The following ANKRD12 variants were observed in gnomAD, a reference collection of about 807,000 sequenced individuals.
ANKRD12 encodes the protein ankyrin repeat domain 12.
A neutral mutation model predicts 183.4 loss-of-function variants in ANKRD12; 85 were observed. The ratio of observed to expected loss-of-function variants is 0.46; its 90% CI spans 0.39 to 0.56. ANKRD12 has a LOEUF of 0.56. ANKRD12 is among the 20% of genes least tolerant of loss of function. The pLI, the probability that ANKRD12 is intolerant of heterozygous loss-of-function variation, is 0.00. For missense variants in ANKRD12, 2,405 were observed against 2,357.1 expected (o/e 1.02, Z -0.42); for synonymous variants, 914 against 800.2 (o/e 1.14, Z -2.40).
At chr18:9,169,989 T>A (rs997771144) in intron 1 of ANKRD12, among the ~76,000 whole-genome samples, 2 of 152,204 alleles carry the variant, frequency 1.3e-5, no homozygotes, top group African/African-American at 4.8e-5. Context: ...TTTGGCCGGA[T>A]ATGAAATTCT....
chr18:9,182,402 TAAAAG>T lies in ANKRD12; in HGVS notation c.-28_-24del, dbSNP rs1490987927. 6.8e-6 allele frequency: 10 copies of T among 1,475,050 alleles called. No homozygotes were observed. Among genetic ancestry groups the T allele is most frequent in the South Asian group, 2.3e-5 (2 of 85,624 alleles). The allele number at this position is 1,475,050 out of a possible 1,614,324, so 91.4% of individuals were successfully genotyped here. ...TACAGATCCAGGATGAGAAGACTGA[TAAAAG>T]AAGAAGCTAGCTGAACAGCTGTAAA... On this transcript the variant is annotated 5_prime_UTR_variant, in exon 2 of 13. The change creates a premature stop within an existing upstream ORF in the 5' untranslated region. Coordinates refer to ENST00000262126, the MANE Select transcript of ANKRD12 (RefSeq NM_015208.5).
intron 11 of ANKRD12, among the ~76,000 whole-genome samples, chr18:9,278,888 T>A (rs2039977540): frequency 1.3e-5 from 2 of 152,146 alleles, no homozygotes; most frequent in Non-Finnish European, 2.9e-5. Context: ...ATTGAGTGCT[T>A]CCTGTGTACC....
At chr18:9,227,472 T>C (rs1159486410) in intron 8 of ANKRD12, among the ~76,000 whole-genome samples, 2 of 152,212 alleles carry the variant, frequency 1.3e-5, no homozygotes, top group Non-Finnish European at 2.9e-5. Flanking sequence ...ATGTTTGAGC[T>C]TGGAATATCT....
chr18:9,164,593 C>T (rs749662873), intron 1 of ANKRD12, among the ~76,000 whole-genome samples: 17 of 152,082 alleles, frequency 1.1e-4, no homozygotes, highest in Admixed American at 4.6e-4. Flanking sequence ...GATTCTAGTA[C>T]GTTGTCTCTT....
At chr18:9,220,353 G>T (rs2036352150) in intron 7 of ANKRD12, among the ~76,000 whole-genome samples, 1 of 152,150 alleles carries the variant, frequency 6.6e-6, no homozygotes, top group Admixed American at 6.5e-5. Context: ...AGTCCAAGGG[G>T]GGAAATGTGT....
intron 1 of ANKRD12, among the ~76,000 whole-genome samples, chr18:9,143,091 G>A (rs1236935835): frequency 6.6e-6 from 1 of 152,088 alleles, no homozygotes; most frequent in Non-Finnish European, 1.5e-5. Context: ...CTCACTACTT[G>A]GAAGTTACTT....
Position 9,230,781 on chromosome 18 carries a change from C to T in ANKRD12, c.943+8782C>T, listed in dbSNP as rs538970709. On this transcript the variant is annotated intron_variant, in intron 8 of 12. Coordinates refer to ENST00000262126, the MANE Select transcript of ANKRD12 (RefSeq NM_015208.5). The stretch of plus-strand genomic sequence containing the variant: ...TCAAGAGATTCTCCTGCCTCAGCCT[C>T]CCGAGCAGCTGGGACTACAGATGCG... 3.3e-5 allele frequency among the ~76,000 whole-genome samples: 5 copies of T among 151,980 alleles called. No homozygotes were observed. The East Asian group carries it at 9.7e-4, about 29-fold the overall frequency.
intron 1 of ANKRD12, among the ~76,000 whole-genome samples, chr18:9,160,047 A>T (rs2031189364): frequency 6.6e-6 from 1 of 152,004 alleles, no homozygotes; most frequent in Non-Finnish European, 1.5e-5. Context: ...AGGTGGGCAG[A>T]TCACTTGAGC....
chr18:9,267,960 AAC>A (rs2039394601), intron 10 of ANKRD12, among the ~76,000 whole-genome samples: 1 of 152,230 alleles, frequency 6.6e-6, no homozygotes, highest in Admixed American at 6.5e-5. Flanking sequence ...ATCCCACAGA[AAC>A]ACAAACTACC....
chr18:9,165,980 T>C (rs941565787), intron 1 of ANKRD12, among the ~76,000 whole-genome samples: 7 of 151,762 alleles, frequency 4.6e-5, no homozygotes, highest in Non-Finnish European at 1.0e-4. Context: ...GTTTGGTTTT[T>C]TGTCCTTGCG....
chr18:9,155,092 A>T (rs539171508), intron 1 of ANKRD12, among the ~76,000 whole-genome samples: 6 of 152,336 alleles, frequency 3.9e-5, no homozygotes, highest in African/African-American at 1.4e-4. Flanking sequence ...ATGCTGAGGC[A>T]CCCCTAATAT....
chr18:9,204,210 T>G (rs988116391), intron 3 of ANKRD12, among the ~76,000 whole-genome samples: 1 of 152,266 alleles, frequency 6.6e-6, no homozygotes, highest in African/African-American at 2.4e-5. Context: ...TAGTGTGTTT[T>G]AATATATAAC....
chr18:9,164,013 C>G (rs1438111846), intron 1 of ANKRD12, among the ~76,000 whole-genome samples: 1 of 152,086 alleles, frequency 6.6e-6, no homozygotes, highest in Non-Finnish European at 1.5e-5. Flanking sequence ...ATTGGAATGC[C>G]TTTATTTCTT....
Position 9,283,021 on chromosome 18 carries a change from T to C in ANKRD12, c.*1895T>C, listed in dbSNP as rs1353562509. Reference sequence around the variant, plus strand: ...CTGTTGAAGTTAAGTTTATTAAGCCTGGGAACATTAAAAGCTAATTTATAA... The same window carrying C: ...CTGTTGAAGTTAAGTTTATTAAGCCCGGGAACATTAAAAGCTAATTTATAA... On this transcript the variant is annotated 3_prime_UTR_variant, in exon 13 of 13. Transcript: ENST00000262126. The C allele has an allele frequency of 6.6e-6, 1 of 152,608 alleles. No individual in the cohort carries two copies. The highest frequency in any genetic ancestry group is 1.5e-5 in the Non-Finnish European group (1 of 68,006). 9.5% of individuals were successfully genotyped at this position (152,608 alleles called of 1,614,324 possible).
At chr18:9,238,888 G>A (rs1363462161) in intron 8 of ANKRD12, among the ~76,000 whole-genome samples, 2 of 152,208 alleles carry the variant, frequency 1.3e-5, no homozygotes, top group African/African-American at 4.8e-5. Flanking sequence ...TTGGGAGGCC[G>A]AGACGGGTGA....
At chr18:9,239,306 T>C (rs1224473000) in intron 8 of ANKRD12, among the ~76,000 whole-genome samples, 1 of 152,218 alleles carries the variant, frequency 6.6e-6, no homozygotes, top group Non-Finnish European at 1.5e-5. Flanking sequence ...AGCTTTGTTA[T>C]AAACTTGCTT....
intron 2 of ANKRD12, among the ~76,000 whole-genome samples, chr18:9,194,359 A>AT (rs2034642746): frequency 6.7e-6 from 1 of 148,976 alleles, no homozygotes; most frequent in Admixed American, 6.7e-5. Context: ...TTATTTATTT[A>AT]TTTATTTATT....
intron 11 of ANKRD12, among the ~76,000 whole-genome samples, chr18:9,277,094 T>G (rs958068485): frequency 3.3e-5 from 5 of 152,152 alleles, no homozygotes; most frequent in African/African-American, 4.8e-5. Flanking sequence ...TCAGAATGGT[T>G]GAGTAAATAT....
intron 1 of ANKRD12, among the ~76,000 whole-genome samples, chr18:9,152,881 G>T (rs1287937583): frequency 6.6e-6 from 1 of 152,012 alleles, no homozygotes; most frequent in Admixed American, 6.6e-5. Context: ...AAGCCTTGTT[G>T]ATTGATAGGG....
Sources: allele counts gnomAD v4.1 joint callset (sites outside exome capture counted in the v4.1 genomes callset), GRCh38; gene constraint gnomAD v4.1.1; transcripts MANE v1.5; gene names NCBI Gene and HGNC (gene_info 2026-07-23, HGNC 2026-07-21).